The following PCDHGB3 variants were observed in gnomAD, a reference collection of about 807,000 sequenced individuals.
The protein encoded by PCDHGB3 is protocadherin gamma subfamily B, 3.
PCDHGB3 carries 40 observed loss-of-function variants against 59.2 expected under a neutral mutation model. That is an observed-to-expected ratio of 0.68 (90% CI 0.52 to 0.88). The LOEUF is 0.88. Ranked by LOEUF, PCDHGB3 falls within the 40% of genes least tolerant of loss-of-function variation. PCDHGB3 has a pLI of 0.00. For synonymous variants in PCDHGB3, 581 were observed against 503.6 expected (o/e 1.15, Z -2.06); for missense variants, 1,309 against 1,187.9 (o/e 1.10, Z -1.50).
chr5:141,383,234 A>G, intron 1 of PCDHGB3: 2 of 1,613,960 alleles, frequency 1.2e-6, no homozygotes, highest in Non-Finnish European at 1.7e-6. Flanking sequence ...CTGATGGAAG[A>G]TAAAATGAAT....
At chr5:141,451,077 C>T (rs1422196268) in intron 1 of PCDHGB3, among the ~76,000 whole-genome samples, 1 of 152,098 alleles carries the variant, frequency 6.6e-6, no homozygotes, top group Admixed American at 6.6e-5. Context: ...ATCCACCCAC[C>T]TTGACCTCCC....
At chr5:141,475,762 G>A (rs4151701) in intron 1 of PCDHGB3, among the ~76,000 whole-genome samples, 9,255 of 152,346 alleles carry the variant, frequency 0.061, 562 homozygotes, top group African/African-American at 0.16. Context: ...CACCGATACT[G>A]GCAAGGCGCT....
intron 1 of PCDHGB3, among the ~76,000 whole-genome samples, chr5:141,472,026 G>C (rs2099269805): frequency 6.6e-6 from 1 of 152,108 alleles, no homozygotes; most frequent in Non-Finnish European, 1.5e-5. Context: ...ATTGTATGTA[G>C]AAAGCTGTGA....
chr5:141,409,033 A>T, intron 1 of PCDHGB3: 1 of 1,614,028 alleles, frequency 6.2e-7, no homozygotes, highest in Non-Finnish European at 8.5e-7. Context: ...ATGCTGAGAT[A>T]AACTACTACT....
At position 141,491,257 on chromosome 5, in the gene PCDHGB3, G is replaced by GAAAT. The variant is rs1562145331; in HGVS notation, c.2416-3549_2416-3546dup. On this transcript the variant is annotated intron_variant, in intron 1 of 3. Transcript: ENST00000576222. The surrounding 1 kb of genome is among the most constrained non-coding windows in gnomAD (Gnocchi z 6.9). ...GGTTCTGGAGGATGAGGACCCTGAG[G>GAAAT]AAATGCCCAAATCCAGTGACTTCCT... is the stretch of plus-strand genomic sequence containing the variant. 6.2e-7 allele frequency: 1 copy of GAAAT among 1,614,170 alleles called. No individual in the cohort carries two copies. Among genetic ancestry groups the GAAAT allele is most frequent in the East Asian group, 2.2e-5 (1 of 44,884 alleles).
chr5:141,505,348 G>C, intron 2 of PCDHGB3, 45 bp from the exon 3 acceptor site: 1 of 1,613,358 alleles, frequency 6.2e-7, no homozygotes, highest in Non-Finnish European at 8.5e-7. Flanking sequence ...GGCATGAGCT[G>C]TGCCGGCCTG....
chr5:141,486,408 C>T lies in PCDHGB3; in HGVS notation c.2416-8399C>T. On this transcript the variant is annotated intron_variant, in intron 1 of 3. Coordinates refer to ENST00000576222, the MANE Select transcript of PCDHGB3 (RefSeq NM_018924.5). This position sits in a 1 kb window ranked among gnomAD's most constrained non-coding sequence, Gnocchi z 5.0. ...CAGTTCTCCCTGGTGACTGCTGGAC[C>T]CTTGGATCGAGAGGCCAAATCTAGC... is the stretch of plus-strand genomic sequence containing the variant. The T allele has an allele frequency of 1.2e-6, 2 of 1,614,156 alleles. No individual in the cohort carries two copies. Among genetic ancestry groups the T allele is most frequent in the South Asian group, 2.2e-5 (2 of 91,084 alleles).
intron 1 of PCDHGB3, among the ~76,000 whole-genome samples, chr5:141,470,717 A>G (rs1353989037): frequency 6.6e-6 from 1 of 152,010 alleles, no homozygotes; most frequent in Non-Finnish European, 1.5e-5. Flanking sequence ...TATTTTTTTG[A>G]GTCAGGGTCT....
intron 1 of PCDHGB3, among the ~76,000 whole-genome samples, chr5:141,463,377 G>T (rs1161419035): frequency 2.7e-5 from 4 of 147,358 alleles, no homozygotes; most frequent in Non-Finnish European, 3.0e-5. Flanking sequence ...CCCACAGTCT[G>T]AAAGTTGTCT....
intron 1 of PCDHGB3, chr5:141,389,614 C>T: frequency 1.2e-6 from 2 of 1,613,064 alleles, no homozygotes; most frequent in Non-Finnish European, 1.7e-6. Context: ...GATATGGTGC[C>T]GCACGCTGCA....
At chr5:141,438,621 T>C (rs1164140266) in intron 1 of PCDHGB3, among the ~76,000 whole-genome samples, 4 of 41,368 alleles carry the variant, frequency 9.7e-5, no homozygotes, top group Admixed American at 3.5e-4. Flanking sequence ...TATATATATA[T>C]ATATATATAT....
At chr5:141,373,548 A>G (rs546721232) in intron 1 of PCDHGB3, among the ~76,000 whole-genome samples, 5 of 152,332 alleles carry the variant, frequency 3.3e-5, no homozygotes, top group African/African-American at 9.6e-5. Context: ...GGTTGTTGGT[A>G]CCCTTACTGA....
intron 1 of PCDHGB3, among the ~76,000 whole-genome samples, chr5:141,433,399 CTA>C (rs1491097109): frequency 1.1e-4 from 17 of 150,894 alleles, no homozygotes; most frequent in African/African-American, 4.1e-4. Context: ...ATCTATCTAT[CTA>C]TCTATTACTT....
intron 1 of PCDHGB3, among the ~76,000 whole-genome samples, chr5:141,458,871 T>C (rs2098955493): frequency 6.6e-6 from 1 of 152,210 alleles, no homozygotes; most frequent in African/African-American, 2.4e-5. Flanking sequence ...TAGCTGGGAC[T>C]ACAGGCATGC....
chr5:141,458,421 G>T (rs1294502132), intron 1 of PCDHGB3, among the ~76,000 whole-genome samples: 1 of 152,114 alleles, frequency 6.6e-6, no homozygotes, highest in African/African-American at 2.4e-5. Context: ...GGGTTCCAAA[G>T]CTGAAAGAGG....
At chr5:141,413,070 T>G (rs990993849) in intron 1 of PCDHGB3, 1 of 1,195,014 alleles carries the variant, frequency 8.4e-7, no homozygotes, top group African/African-American at 1.5e-5. Context: ...GAATTTAAAG[T>G]GCCCAGGCTA....
At chr5:141,415,255 A>G (rs908329007) in intron 1 of PCDHGB3, 1 of 1,613,620 alleles carries the variant, frequency 6.2e-7, no homozygotes, top group African/African-American at 1.3e-5. Context: ...CTCAGACCTC[A>G]CTCTGTACCT....
intron 1 of PCDHGB3, among the ~76,000 whole-genome samples, chr5:141,437,390 A>T (rs1422429346): frequency 6.6e-6 from 1 of 152,248 alleles, no homozygotes; most frequent in Non-Finnish European, 1.5e-5. Flanking sequence ...ACATTCATCC[A>T]CTGCTTTCAT....
chr5:141,374,991 C>A, intron 1 of PCDHGB3: 1 of 1,614,036 alleles, frequency 6.2e-7, no homozygotes, highest in Non-Finnish European at 8.5e-7. Flanking sequence ...GAAATTTCAA[C>A]TTCTGCAAAT....
Sources: gnomAD v4.1 joint callset for allele counts (sites outside exome capture counted in the v4.1 genomes callset) on GRCh38, gnomAD v4.1.1 for gene constraint, Gnocchi (gnomAD v3.1) non-coding constraint, MANE v1.5 for transcripts, NCBI Gene and HGNC (gene_info 2026-07-23, HGNC 2026-07-21) for gene names.